Variants in PHF6 observed in about 807,000 individuals in gnomAD.
PHF6 encodes the protein PHD-like zinc finger protein.
A neutral mutation model predicts 34.0 loss-of-function variants in PHF6; 7 were observed. The ratio of observed to expected loss-of-function variants is 0.21; its 90% CI spans 0.12 to 0.39. The LOEUF (loss-of-function observed/expected upper bound fraction) is 0.39, where lower values mean the gene tolerates loss of function less well. Among genes scored for constraint, PHF6 ranks in the 10% least tolerant of loss-of-function variants. The probability of loss-of-function intolerance (pLI) is 1.00; values close to 1 mark genes in which losing one functional copy is unlikely to be tolerated. For synonymous variants in PHF6, 89 were observed against 88.4 expected, an observed-to-expected ratio of 1.01 and a Z score of -0.04; for missense variants, 128 against 262.8, an observed-to-expected ratio of 0.49 and a Z score of 3.55.
intron 3 of PHF6, among the ~76,000 whole-genome samples, chrX:134,383,690 A>G (rs932276657): frequency 2.7e-5 from 3 of 111,836 alleles, no homozygotes; most frequent in African/African-American, 9.7e-5. Context: ...GAGATAGAGA[A>G]GTATTCTCAT....
chrX:134,426,068 T>C lies in PHF6; in HGVS notation c.*408T>C, dbSNP rs2077506450. On this transcript the variant is annotated 3_prime_UTR_variant, in exon 11 of 11. Transcript: ENST00000370803. ...CTTTACAATGCAAACATGCCACTGG[T>C]GGCAGCACATGGTAATTTGTGGATT... The C allele has an allele frequency of 6.6e-6, 1 of 151,847 alleles. No individual in the cohort carries two copies. Among genetic ancestry groups the C allele is most frequent in the East Asian group, 9.4e-5 (1 of 10,584 alleles). 12.5% of individuals were successfully genotyped at this position (151,847 alleles called of 1,213,427 possible).
intron 3 of PHF6, among the ~76,000 whole-genome samples, chrX:134,391,309 A>G (rs1211732337): frequency 8.9e-6 from 1 of 112,090 alleles, no homozygotes; most frequent in Non-Finnish European, 1.9e-5. Flanking sequence ...GTGGTTTTAC[A>G]TTTTAGACTG....
chrX:134,385,851 A>AT (rs1394466542), intron 3 of PHF6, among the ~76,000 whole-genome samples: 1 of 111,670 alleles, frequency 9.0e-6, no homozygotes, highest in Admixed American at 9.5e-5. Context: ...CTTAGGTATT[A>AT]TATTTGTCAA....
chrX:134,395,444 A>G (rs1332775968), intron 5 of PHF6, among the ~76,000 whole-genome samples: 1 of 112,351 alleles, frequency 8.9e-6, no homozygotes, highest in Admixed American at 9.5e-5. Context: ...AAGTATGCGA[A>G]AACTCTGATA....
rs1264970575 is a variant in PHF6, at chrX:134,395,133, G to A, written c.418+1181G>A. 3.6e-5 allele frequency among the ~76,000 whole-genome samples: 4 copies of A among 111,870 alleles called. 1 individual carries two copies. The highest frequency in any genetic ancestry group is 5.6e-5 in the Non-Finnish European group (3 of 53,237). On this transcript the variant is annotated intron_variant, in intron 5 of 10. Coordinates refer to ENST00000370803, the MANE Select transcript of PHF6 (RefSeq NM_001015877.2). ...CTCCCAAAGTGCTGGGATTACAGGC[G>A]TGAGCCACTGTGCTCGGCCAGCTGC...
intron 5 of PHF6, among the ~76,000 whole-genome samples, chrX:134,396,899 A>G (rs1006795783): frequency 2.7e-5 from 3 of 109,648 alleles, no homozygotes; most frequent in African/African-American, 9.9e-5. Flanking sequence ...AAAAAAAAAA[A>G]AAGAATTGTA....
chrX:134,397,503 G>C (rs1285976552), intron 5 of PHF6, among the ~76,000 whole-genome samples: 1 of 111,440 alleles, frequency 9.0e-6, no homozygotes, highest in Non-Finnish European at 1.9e-5. Context: ...ACAAAAATTA[G>C]CTGGGTATGG....
At position 134,411,922 on chromosome X, in the gene PHF6, C is replaced by T. The variant is rs764686233; in HGVS notation, c.419-1569C>T. On this transcript the variant is annotated intron_variant, in intron 5 of 10. Coordinates refer to ENST00000370803, the MANE Select transcript of PHF6 (RefSeq NM_001015877.2). ...TAATTTTTTGTATTTTTAGTAGAGA[C>T]GGGGTTTCACCATATTGGCCAGACT... Among the ~76,000 whole-genome samples, 207 of 111,115 alleles carry T rather than the reference C, an allele frequency of 1.9e-3. 1 individual carries two copies. Among genetic ancestry groups the T allele is most frequent in the African/African-American group, 5.1e-3 (156 of 30,569 alleles).
At chrX:134,384,163 G>A (rs989839866) in intron 3 of PHF6, among the ~76,000 whole-genome samples, 1 of 111,529 alleles carries the variant, frequency 9.0e-6, no homozygotes, top group Non-Finnish European at 1.9e-5. Flanking sequence ...TTCTGTCTGG[G>A]AGGAGTCTTA....
intron 5 of PHF6, among the ~76,000 whole-genome samples, chrX:134,399,680 C>A (rs988680117): frequency 9.6e-6 from 1 of 103,858 alleles, no homozygotes; most frequent in African/African-American, 3.9e-5. Flanking sequence ...GACACACACA[C>A]ACACAGACAC....
intron 5 of PHF6, among the ~76,000 whole-genome samples, chrX:134,408,950 G>A (rs2077437269): frequency 9.0e-6 from 1 of 111,683 alleles, no homozygotes; most frequent in Admixed American, 9.5e-5. Flanking sequence ...CTGACTTCAG[G>A]TGATCTGCCC....
In PHF6 at chrX:134,404,064, T is replaced by C. The variant is rs563415695; in HGVS notation, c.419-9427T>C. 6.2e-5 allele frequency among the ~76,000 whole-genome samples: 7 copies of C among 112,092 alleles called. No individual in the cohort carries two copies. In the South Asian group the frequency reaches 2.2e-3, roughly 36 times the overall value. On this transcript the variant is annotated intron_variant, in intron 5 of 10. Coordinates refer to ENST00000370803, the MANE Select transcript of PHF6 (RefSeq NM_001015877.2). ...CCGTGGATCAAGGAGTACTTTGGAC[T>C]TTCAAGTCTTATTATTTAAGAAATA...
intron 3 of PHF6, among the ~76,000 whole-genome samples, chrX:134,378,706 G>C (rs1414761659): frequency 8.9e-6 from 1 of 112,645 alleles, no homozygotes; most frequent in Non-Finnish European, 1.9e-5. Context: ...TGTTGGAATA[G>C]TAATGTCATC....
At chrX:134,375,857 C>G (rs2077276130) in intron 1 of PHF6, among the ~76,000 whole-genome samples, 1 of 111,733 alleles carries the variant, frequency 8.9e-6, no homozygotes, top group Non-Finnish European at 1.9e-5. Flanking sequence ...AACACACTTC[C>G]CTTTTGTTTC....
intron 5 of PHF6, among the ~76,000 whole-genome samples, chrX:134,399,212 C>T (rs2077391038): frequency 9.0e-6 from 1 of 111,282 alleles, no homozygotes; most frequent in Non-Finnish European, 1.9e-5. Flanking sequence ...TCAGTGACAA[C>T]GGAGCCATGG....
chrX:134,394,774 C>T (rs182098634), intron 5 of PHF6, among the ~76,000 whole-genome samples: 105 of 110,567 alleles, frequency 9.5e-4, no homozygotes, highest in African/African-American at 3.1e-3. Context: ...CTCTTGACCT[C>T]GTGATCCGCC....
At chrX:134,377,901 C>A (rs2077285695) in intron 2 of PHF6, 104 bp from the exon 3 acceptor site, 4 of 911,245 alleles carry the variant, frequency 4.4e-6, no homozygotes, top group Non-Finnish European at 6.2e-6. Context: ...TAATGCTATG[C>A]CATTTTTACT....
At chrX:134,421,014 TC>T (rs915083771) in intron 9 of PHF6, among the ~76,000 whole-genome samples, 10 of 111,874 alleles carry the variant, frequency 8.9e-5, no homozygotes, top group African/African-American at 3.2e-4. Context: ...ACAATTTTGA[TC>T]AAATCCAAAT....
chrX:134,393,386 C>T lies in PHF6; in HGVS notation c.241-115C>T, dbSNP rs942084281. The T allele has an allele frequency of 7.5e-6, 6 of 794,911 alleles. No homozygotes were observed. In the African/African-American group the frequency reaches 8.3e-5, roughly 11 times the overall value. The allele number at this position is 794,911 out of a possible 1,213,427, so 65.5% of individuals were successfully genotyped here. ...AAAACAAGAAAAGTAGCATTAATTA[C>T]AAAACTTTTCAATAACCAATTTGTT... On this transcript the variant is annotated intron_variant, in intron 3 of 10. Transcript: ENST00000370803.
Sources: gnomAD v4.1 joint callset for allele counts (sites outside exome capture counted in the v4.1 genomes callset) on GRCh38, gnomAD v4.1.1 for gene constraint, MANE v1.5 for transcripts, NCBI Gene and HGNC (gene_info 2026-07-23, HGNC 2026-07-21) for gene names.